SCPPPQ1: variants seen among roughly 807,000 people sequenced by gnomAD.
SCPPPQ1 encodes the protein secretory calcium-binding phosphoprotein proline- and glutamine-rich 1.
the SCPPPQ1 span, among the ~76,000 whole-genome samples, chr4:87,469,318 C>T: frequency 4.6e-5 from 7 of 152,066 alleles, no homozygotes; most frequent in African/African-American, 4.8e-5. Flanking sequence ...AAATCATCTC[C>T]GTGCAACTCT....
At chr4:87,470,206 C>T in the SCPPPQ1 span, among the ~76,000 whole-genome samples, 1 of 152,112 alleles carries the variant, frequency 6.6e-6, no homozygotes, top group Non-Finnish European at 1.5e-5. Context: ...CCTCAATCAA[C>T]CTTCCCACCA....
the SCPPPQ1 span, among the ~76,000 whole-genome samples, chr4:87,464,857 A>G: frequency 6.6e-6 from 1 of 152,172 alleles, no homozygotes; most frequent in African/African-American, 2.4e-5. Context: ...AGAAAATCAT[A>G]ATAGGAATAT....
At chr4:87,469,022 T>C in the SCPPPQ1 span, among the ~76,000 whole-genome samples, 1 of 152,240 alleles carries the variant, frequency 6.6e-6, no homozygotes, top group Non-Finnish European at 1.5e-5. Context: ...ATAAGTTGTT[T>C]TTATATTCAT....
chr4:87,466,216 C>T, the SCPPPQ1 span, among the ~76,000 whole-genome samples: 11 of 151,850 alleles, frequency 7.2e-5, no homozygotes, highest in African/African-American at 2.4e-4. Context: ...ATGGTGAAAC[C>T]CATCTCTACT....
the SCPPPQ1 span, among the ~76,000 whole-genome samples, chr4:87,470,451 G>C: frequency 1.3e-5 from 2 of 152,018 alleles, no homozygotes; most frequent in African/African-American, 4.8e-5. Context: ...TATAGTTCTC[G>C]GGAAGGAAAT....
chr4:87,463,665 A>G, the SCPPPQ1 span, among the ~76,000 whole-genome samples: 318 of 152,280 alleles, frequency 2.1e-3, 1 homozygote, highest in Non-Finnish European at 3.3e-3. Flanking sequence ...TTTTCTTTCT[A>G]CAGCTTTGTA....
chr4:87,462,447 G>T, the SCPPPQ1 span, among the ~76,000 whole-genome samples: 1 of 151,736 alleles, frequency 6.6e-6, no homozygotes, highest in East Asian at 1.9e-4. Context: ...CAACAAAAGG[G>T]ATATATACCT....
At chr4:87,467,396 A>G in the SCPPPQ1 span, among the ~76,000 whole-genome samples, 1 of 152,198 alleles carries the variant, frequency 6.6e-6, no homozygotes, top group Non-Finnish European at 1.5e-5. Flanking sequence ...GAAAAGCAAA[A>G]TAACTATTTT....
At chr4:87,467,543 G>C in the SCPPPQ1 span, among the ~76,000 whole-genome samples, 9 of 152,194 alleles carry the variant, frequency 5.9e-5, no homozygotes, top group Non-Finnish European at 1.3e-4. Context: ...GAGTAAGCTC[G>C]TAACGGTCAA....
chr4:87,465,682 C>CTACAATATT, the SCPPPQ1 span, among the ~76,000 whole-genome samples: 1 of 151,870 alleles, frequency 6.6e-6, no homozygotes, highest in African/African-American at 2.4e-5. Context: ...CCATCCATCC[C>CTACAATATT]TACAATATTT....
chr4:87,463,016 C>T, the SCPPPQ1 span, among the ~76,000 whole-genome samples: 1 of 147,800 alleles, frequency 6.8e-6, no homozygotes. Flanking sequence ...AAAAAAAAGC[C>T]TGAAGCAAAC....
At chr4:87,469,958 T>C in the SCPPPQ1 span, among the ~76,000 whole-genome samples, 1 of 148,238 alleles carries the variant, frequency 6.7e-6, no homozygotes, top group Non-Finnish European at 1.5e-5. Context: ...TTTTTTTTTT[T>C]TTTTTTTTTT....
the SCPPPQ1 span, among the ~76,000 whole-genome samples, chr4:87,466,016 ATAAATT>A: frequency 2.6e-5 from 4 of 152,306 alleles, no homozygotes; most frequent in African/African-American, 9.6e-5. Context: ...ATAGATTTAA[ATAAATT>A]TAAATTTAAA....
the SCPPPQ1 span, chr4:87,461,929 G>T: frequency 6.6e-6 from 1 of 152,256 alleles, no homozygotes; most frequent in Admixed American, 6.5e-5. Flanking sequence ...TATTGAAAAG[G>T]ATATAAATGC....
chr4:87,463,012 A>G, the SCPPPQ1 span, among the ~76,000 whole-genome samples: 1 of 151,760 alleles, frequency 6.6e-6, no homozygotes, highest in African/African-American at 2.4e-5. Context: ...AAAAAAAAAA[A>G]AGCCTGAAGC....
the SCPPPQ1 span, among the ~76,000 whole-genome samples, chr4:87,468,085 C>G: frequency 2.3e-4 from 35 of 152,250 alleles, no homozygotes; most frequent in African/African-American, 7.2e-4. Flanking sequence ...AGGTTTTGTT[C>G]TAAAGGAGAA....
chr4:87,463,318 T>TA, the SCPPPQ1 span, among the ~76,000 whole-genome samples: 19,830 of 133,258 alleles, frequency 0.15, 1,656 homozygotes, highest in East Asian at 0.32. Flanking sequence ...TTCCAAAAGT[T>TA]AAAAAAAAAA....
At chr4:87,461,287 A>G in the SCPPPQ1 span, among the ~76,000 whole-genome samples, 9 of 152,324 alleles carry the variant, frequency 5.9e-5, no homozygotes, top group East Asian at 1.7e-3. Context: ...TGGGATTTGA[A>G]TCATGGTCTG....
the SCPPPQ1 span, among the ~76,000 whole-genome samples, chr4:87,467,725 G>GC: frequency 6.6e-6 from 1 of 152,006 alleles, no homozygotes; most frequent in Admixed American, 6.5e-5. Context: ...TCATATTTCA[G>GC]TATCAAAATT....
Sources: allele counts gnomAD v4.1 joint callset (sites outside exome capture counted in the v4.1 genomes callset), GRCh38; gene constraint gnomAD v4.1.1; transcripts MANE v1.5; gene names NCBI Gene and HGNC (gene_info 2026-07-23, HGNC 2026-07-21).